Variants in MEI1 observed in about 807,000 individuals in gnomAD.
The protein encoded by MEI1 is meiotic double-stranded break formation protein 1.
In MEI1, 103 loss-of-function variants were observed where a neutral mutation model predicts 146.2. The observed-to-expected ratio is 0.70, with a 90% confidence interval of 0.60 to 0.83. The LOEUF is 0.83. Among genes scored for constraint, MEI1 ranks in the 40% least tolerant of loss-of-function variants. The probability of loss-of-function intolerance (pLI) is 0.00; values close to 1 mark genes in which losing one functional copy is unlikely to be tolerated. For synonymous variants in MEI1, 652 were observed against 628.2 expected (o/e 1.04, Z -0.57); for missense variants, 1,529 against 1,533.0 (o/e 1.00, Z 0.04).
At chr22:41,700,001 C>G (rs2068572388) in intron 1 of MEI1, among the ~76,000 whole-genome samples, 2 of 152,272 alleles carry the variant, frequency 1.3e-5, no homozygotes, top group African/African-American at 4.8e-5. Flanking sequence ...CAGGGACACA[C>G]CTTCCCGCCT....
chr22:41,758,964 G>A (rs1006749291), intron 18 of MEI1, among the ~76,000 whole-genome samples: 4 of 152,040 alleles, frequency 2.6e-5, no homozygotes, highest in Non-Finnish European at 5.9e-5. Context: ...CCAACATGGC[G>A]AAACCCTGTC....
In MEI1 at chr22:41,771,213, G is replaced by T. The variant is rs528518237; in HGVS notation, c.2544+252G>T. 6.6e-5 allele frequency among the ~76,000 whole-genome samples: 10 copies of T among 152,274 alleles called. No homozygotes were observed. The South Asian group carries it at 2.1e-3, about 32-fold the overall frequency. ...ATGTGTGCCTCTCTTCCCCCCAGGG[G>T]ATGACACTATGAAATGCAGATCTTA... On this transcript the variant is annotated intron_variant, in intron 20 of 30. Transcript: ENST00000401548.
In MEI1 at chr22:41,731,865, G is replaced by A. The variant is rs2071895617; in HGVS notation, c.1097-380G>A. On this transcript the variant is annotated intron_variant, in intron 9 of 30. Coordinates refer to ENST00000401548, the MANE Select transcript of MEI1 (RefSeq NM_152513.4). ...TGCTAGAGGGAAGCACAGGAGCTGT[G>A]GGGGCTCAGGGGAGGTTCACAGCTC... 3.3e-5 allele frequency among the ~76,000 whole-genome samples: 5 copies of A among 152,266 alleles called. No homozygotes were observed. In the South Asian group the frequency reaches 1.0e-3, roughly 32 times the overall value.
At chr22:41,733,453 G>GA (rs951844040) in intron 11 of MEI1, among the ~76,000 whole-genome samples, 54 of 143,688 alleles carry the variant, frequency 3.8e-4, no homozygotes, top group African/African-American at 1.4e-3. Flanking sequence ...TGTCTCAAAA[G>GA]AAAAAAGAAA....
chr22:41,736,145 A>G (rs1330203576), intron 11 of MEI1, among the ~76,000 whole-genome samples: 1 of 152,156 alleles, frequency 6.6e-6, no homozygotes, highest in Non-Finnish European at 1.5e-5. Flanking sequence ...TTAAGGTCAT[A>G]TCACTGTAAT....
intron 1 of MEI1, among the ~76,000 whole-genome samples, chr22:41,702,060 A>G (rs1044994134): frequency 6.6e-6 from 1 of 152,242 alleles, no homozygotes; most frequent in African/African-American, 2.4e-5. Flanking sequence ...TCTATTACGT[A>G]GGATGAATTG....
Position 41,794,433 on chromosome 22 carries a change from G to A in MEI1, c.3490G>A (p.Glu1164Lys), listed in dbSNP as rs761443705. The A allele has an allele frequency of 6.8e-6, 11 of 1,613,874 alleles. No individual in the cohort carries two copies. Among genetic ancestry groups the A allele is most frequent in the Admixed American group, 1.7e-5 (1 of 60,000 alleles). ...FLLFTLLDAG[E>K]NSFLRPEILR... The stretch of plus-strand genomic sequence containing the variant: ...GCTGTTTACCCTCTTGGATGCTGGA[G>A]AGAATTCCTTCCTCAGACCTGAGAT... The change falls in exon 28 of 31, where the codon GAG becomes AAG. Residue 1164 changes from glutamate (E) to lysine (K), a missense_variant. Physicochemically the swap from Glu to Lys is moderately conservative, Grantham distance 56. This residue lies in a region of MEI1 where 313 missense variants were observed against 337.3 expected (regional missense o/e 0.93). Transcript: ENST00000401548.
At chr22:41,710,955 A>G (rs1204008156) in intron 3 of MEI1, among the ~76,000 whole-genome samples, 1 of 152,154 alleles carries the variant, frequency 6.6e-6, no homozygotes, top group Non-Finnish European at 1.5e-5. Flanking sequence ...CACCATAGCC[A>G]ACTTGTACAT....
chr22:41,748,279 G>A (rs1239589136), intron 15 of MEI1, 61 bp downstream of exon 15: 3 of 1,080,452 alleles, frequency 2.8e-6, no homozygotes, highest in Non-Finnish European at 4.3e-6. Flanking sequence ...AATGCTCAGA[G>A]AGTATTCAAA....
intron 14 of MEI1, among the ~76,000 whole-genome samples, chr22:41,747,144 A>G (rs2073361166): frequency 6.6e-6 from 1 of 152,070 alleles, no homozygotes; most frequent in Admixed American, 6.6e-5. Flanking sequence ...AGCTGTTTAC[A>G]GAAAGGGAAC....
Position 41,738,986 on chromosome 22 carries a change from A to C in MEI1, c.1332-4094A>C, listed in dbSNP as rs181893998. Among the ~76,000 whole-genome samples, 431 of 151,874 alleles carry C rather than the reference A, an allele frequency of 2.8e-3. 9 individuals carry two copies. The highest frequency in any genetic ancestry group is 0.025 in the Admixed American group (388 of 15,248). On this transcript the variant is annotated intron_variant, in intron 11 of 30. Coordinates refer to ENST00000401548, the MANE Select transcript of MEI1 (RefSeq NM_152513.4). ...TCTCTTGAAAATAAATAAATAAATT[A>C]TAGAGGATTTATCATGAAAAGGAAT...
intron 6 of MEI1, among the ~76,000 whole-genome samples, chr22:41,720,990 A>G (rs2070732107): frequency 6.6e-6 from 1 of 151,070 alleles, no homozygotes; most frequent in Non-Finnish European, 1.5e-5. Context: ...CATGTTAGCC[A>G]GGATGGTCTC....
chr22:41,721,637 C>T (rs77175581), intron 6 of MEI1, among the ~76,000 whole-genome samples: 4 of 151,442 alleles, frequency 2.6e-5, no homozygotes, highest in East Asian at 1.9e-4. Flanking sequence ...AAGAGATCCA[C>T]GTGCCTTGGA....
At chr22:41,717,124 A>C (rs530577455) in intron 5 of MEI1, among the ~76,000 whole-genome samples, 1 of 152,242 alleles carries the variant, frequency 6.6e-6, no homozygotes, top group Admixed American at 6.5e-5. Flanking sequence ...AGGATTTACC[A>C]AAGGGTAAAT....
intron 30 of MEI1, among the ~76,000 whole-genome samples, chr22:41,798,001 T>C (rs1178907521): frequency 2.6e-5 from 4 of 152,016 alleles, no homozygotes; most frequent in Non-Finnish European, 4.4e-5. Context: ...GGATTTGACC[T>C]CAGATTTGCC....
At chr22:41,710,596 A>G (rs1204283542) in intron 3 of MEI1, among the ~76,000 whole-genome samples, 1 of 152,202 alleles carries the variant, frequency 6.6e-6, no homozygotes, top group Non-Finnish European at 1.5e-5. Flanking sequence ...CTTTTAGGTC[A>G]GGTGGTTCCA....
At chr22:41,785,151 G>C (rs2075914611) in intron 26 of MEI1, among the ~76,000 whole-genome samples, 1 of 151,560 alleles carries the variant, frequency 6.6e-6, no homozygotes, top group Non-Finnish European at 1.5e-5. Context: ...TGGCCAGGAT[G>C]GTCTGAATCT....
rs2075887166 is a variant in MEI1, at chr22:41,784,655, T to A, written c.3217T>A (p.Ser1073Thr). Reference sequence around the variant, plus strand: ...GACAGCCCTGCGACAAAGCTTTTCCTCTGCCCTGGTAGCCCTGGTGCCCTC... The same window carrying A: ...GACAGCCCTGCGACAAAGCTTTTCCACTGCCCTGGTAGCCCTGGTGCCCTC... ...LRTALRQSFS[S>T]ALVALVPSGA... Residue 1073 changes from serine (S) to threonine (T), a missense_variant, in exon 26 of 31, where the codon TCT (serine) becomes ACT (threonine). By Grantham distance (58) the Ser-to-Thr change is moderately conservative. This residue lies in a region of MEI1 where 313 missense variants were observed against 337.3 expected (regional missense o/e 0.93). Transcript: ENST00000401548. The A allele has an allele frequency of 1.2e-6, 2 of 1,613,658 alleles. No individual in the cohort carries two copies. The highest frequency in any genetic ancestry group is 1.7e-6 in the Non-Finnish European group (2 of 1,179,902).
chr22:41,733,067 CA>C (rs1240422873), intron 11 of MEI1, among the ~76,000 whole-genome samples: 1 of 151,980 alleles, frequency 6.6e-6, no homozygotes, highest in Non-Finnish European at 1.5e-5. Context: ...AGGCGTGAGC[CA>C]CCGCATCCAG....
Sources: allele counts gnomAD v4.1 joint callset (sites outside exome capture counted in the v4.1 genomes callset), GRCh38; gene constraint gnomAD v4.1.1; regional missense constraint gnomAD v4.1.1; transcripts MANE v1.5; gene names NCBI Gene and HGNC (gene_info 2026-07-23, HGNC 2026-07-21).